MAX: variants seen among roughly 807,000 people sequenced by gnomAD.
The protein encoded by MAX is protein max.
A neutral mutation model predicts 22.3 loss-of-function variants in MAX; 3 were observed. The observed-to-expected ratio is 0.13, with a 90% CI of 0.06 to 0.35. The LOEUF (loss-of-function observed/expected upper bound fraction) is 0.35, where lower values mean the gene tolerates loss of function less well. Ranked by LOEUF, MAX falls within the 10% of genes least tolerant of loss-of-function variation. MAX has a pLI of 1.00. For missense variants in MAX, 119 were observed against 209.4 expected, an observed-to-expected ratio of 0.57 and a Z score of 2.66; for synonymous variants, 72 against 77.7, an observed-to-expected ratio of 0.93 and a Z score of 0.39.
chr14:65,076,435 T>G lies in MAX; in HGVS notation c.*41A>C, dbSNP rs752990188. ...ACGAACTGAAAGGAGGATGAGACGA[T>G]GGAGACAGACAGTTTTTATTGCTGG... On this transcript the variant is annotated 3_prime_UTR_variant, in exon 5 of 5. Coordinates refer to ENST00000358664, the MANE Select transcript of MAX (RefSeq NM_002382.5). This position sits in a 1 kb window ranked among gnomAD's most constrained non-coding sequence, Gnocchi z 6.6. The G allele has an allele frequency of 6.2e-7, 1 of 1,612,146 alleles. No homozygotes were observed. The highest frequency in any genetic ancestry group is 1.1e-5 in the South Asian group (1 of 90,828).
Position 65,032,827 on chromosome 14 carries a change from C to CT in MAX, c.172-26544dup. On this transcript the variant is annotated intron_variant, in intron 3 of 3. Transcript: ENST00000341653. The surrounding 1 kb of genome is among the most constrained non-coding windows in gnomAD (Gnocchi z 5.0). ...ATCACAGGAGATCCATTAGGGTTAT[C>CT]TAATGATTTTTTTAAATACTTAAAA... 1 of 735,832 alleles carries CT rather than the reference C, an allele frequency of 1.4e-6. No homozygotes were observed. Among genetic ancestry groups the CT allele is most frequent in the Admixed American group, 3.9e-5 (1 of 25,486 alleles). 45.6% of individuals were successfully genotyped at this position (735,832 alleles called of 1,614,324 possible). A position where few individuals can be genotyped will look rare whatever the true frequency, so the allele number is the denominator to read the frequency against.
At chr14:65,067,012 C>T (rs1303151214) in intron 3 of MAX, among the ~76,000 whole-genome samples, 1 of 130,244 alleles carries the variant, frequency 7.7e-6, no homozygotes, top group Non-Finnish European at 1.6e-5. Context: ...TCTGTCTCTA[C>T]AAAAATTAAA....
In MAX at chr14:65,023,225, A is replaced by T. The variant is rs1444133031; in HGVS notation, c.172-16941T>A. ...AGGTGGGTGCCAACGTGCCTGGTTA[A>T]TTTTTATAATTCTTGTAGAGATGGG... On this transcript the variant is annotated intron_variant, in intron 3 of 3. Coordinates refer to the MAX transcript ENST00000341653. This position sits in a 1 kb window ranked among gnomAD's most constrained non-coding sequence, Gnocchi z 4.1. 6.6e-6 allele frequency among the ~76,000 whole-genome samples: 1 copy of T among 152,032 alleles called. No individual in the cohort carries two copies. Among genetic ancestry groups the T allele is most frequent in the Non-Finnish European group, 1.5e-5 (1 of 68,014 alleles).
At position 65,076,678 on chromosome 14, in the gene MAX, A is replaced by AG; in HGVS notation, c.296-16dup. On this transcript the variant is annotated splice_polypyrimidine_tract_variant and intron_variant, in intron 4 of 4. Coordinates refer to ENST00000358664, the MANE Select transcript of MAX (RefSeq NM_002382.5). This position sits in a 1 kb window ranked among gnomAD's most constrained non-coding sequence, Gnocchi z 6.6. ...CAGTGCACGGACTAAAAGGCAACCA[A>AG]GGGAGTGTGTTACTGCCTTCTGGAG... 1 of 1,614,192 alleles carries AG rather than the reference A, an allele frequency of 6.2e-7. No homozygotes were observed. The highest frequency in any genetic ancestry group is 8.5e-7 in the Non-Finnish European group (1 of 1,180,024).
At chr14:65,018,183 A>G (rs940407656) in intron 3 of MAX, among the ~76,000 whole-genome samples, 1 of 151,736 alleles carries the variant, frequency 6.6e-6, no homozygotes, top group Non-Finnish European at 1.5e-5. Flanking sequence ...TTCAAAAATA[A>G]AAATAAAAAT....
In MAX at chr14:65,014,257, G is replaced by A. The variant is rs140185232; in HGVS notation, c.172-7973C>T. Reference sequence around the variant, plus strand: ...ACTCCTACCTACCCTGCCTAGCCTTGAATGCTCAATAATCATTTATGGTTT... The same window carrying A: ...ACTCCTACCTACCCTGCCTAGCCTTAAATGCTCAATAATCATTTATGGTTT... On this transcript the variant is annotated intron_variant, in intron 3 of 3. Transcript: ENST00000341653. This position sits in a 1 kb window ranked among gnomAD's most constrained non-coding sequence, Gnocchi z 5.1. Among the ~76,000 whole-genome samples the A allele has an allele frequency of 3.9e-5, 6 of 152,294 alleles. No individual in the cohort carries two copies. The East Asian group carries it at 1.2e-3, about 29-fold the overall frequency.
intron 3 of MAX, among the ~76,000 whole-genome samples, chr14:65,086,458 A>G (rs1293506583): frequency 2.6e-5 from 4 of 152,220 alleles, no homozygotes; most frequent in African/African-American, 9.7e-5. Context: ...TATGGACAAT[A>G]AAGTCCAGGC....
chr14:65,016,594 C>T (rs950573706), intron 3 of MAX: 2 of 152,264 alleles, frequency 1.3e-5, no homozygotes, highest in Non-Finnish European at 2.9e-5. Flanking sequence ...CGGGGCCCCT[C>T]TCTGGTCACA....
At chr14:65,040,809 G>A in intron 3 of MAX, 1 of 1,613,356 alleles carries the variant, frequency 6.2e-7, no homozygotes, top group Non-Finnish European at 8.5e-7. Flanking sequence ...CTGGGAAGGT[G>A]GCATTGGCGG....
At chr14:65,060,827 C>A (rs1319033678) in intron 3 of MAX, among the ~76,000 whole-genome samples, 1 of 134,184 alleles carries the variant, frequency 7.5e-6, no homozygotes, top group Non-Finnish European at 1.5e-5. Flanking sequence ...GAGCTAAGAT[C>A]GTGTCAATGC....
In MAX at chr14:65,069,371, A is replaced by G. The variant is rs2062963730; in HGVS notation, c.171+24337T>C. Among the ~76,000 whole-genome samples, 2 of 152,106 alleles carry G rather than the reference A, an allele frequency of 1.3e-5. No homozygotes were observed. Among genetic ancestry groups the G allele is most frequent in the South Asian group, 4.1e-4 (2 of 4,828 alleles). On this transcript the variant is annotated intron_variant, in intron 3 of 3. Transcript: ENST00000341653. This position sits in a 1 kb window ranked among gnomAD's most constrained non-coding sequence, Gnocchi z 4.6. ...ATGACCTGGTGGCCCTGCCCCTCCC[A>G]TAGTGCCAAACCGCTCTCACTGAGG...
In MAX at chr14:65,043,882, T is replaced by C. The variant is rs924802643; in HGVS notation, c.172-37598A>G. ...AAAAGAAATGTAGTACCAAATTCCA[T>C]TTATCTGCTTTTAATAAACTCCCCG... On this transcript the variant is annotated intron_variant, in intron 3 of 3. Transcript: ENST00000341653. Among the ~76,000 whole-genome samples, 5 of 145,732 alleles carry C rather than the reference T, an allele frequency of 3.4e-5. No individual in the cohort carries two copies. In the East Asian group the frequency reaches 8.0e-4, roughly 23 times the overall value.
Position 65,011,159 on chromosome 14 carries a change from T to C in MAX, c.172-4875A>G, listed in dbSNP as rs904496270. Among the ~76,000 whole-genome samples the C allele has an allele frequency of 6.6e-6, 1 of 152,218 alleles. No individual in the cohort carries two copies. The highest frequency in any genetic ancestry group is 2.4e-5 in the African/African-American group (1 of 41,450). On this transcript the variant is annotated intron_variant, in intron 3 of 3. Coordinates refer to the MAX transcript ENST00000341653. The surrounding 1 kb of genome is among the most constrained non-coding windows in gnomAD (Gnocchi z 4.0). ...AGACTACATGAAGGGCTGGGTGCGG[T>C]GGCTCACGCCTGTAATCCCAGCATT...
At position 65,062,133 on chromosome 14, in the gene MAX, C is replaced by T. The variant is rs2062876209; in HGVS notation, c.171+31575G>A. 1 of 152,392 alleles carries T rather than the reference C, an allele frequency of 6.6e-6. No homozygotes were observed. The highest frequency in any genetic ancestry group is 2.1e-4 in the South Asian group (1 of 4,836). The allele number at this position is 152,392 out of a possible 1,614,324, so 9.4% of individuals were successfully genotyped here. On this transcript the variant is annotated intron_variant, in intron 3 of 3. Coordinates refer to the MAX transcript ENST00000341653. This position sits in a 1 kb window ranked among gnomAD's most constrained non-coding sequence, Gnocchi z 4.3. ...AAAACCCCCTCTGATGGCCTCAAGG[C>T]AGTGCCTGCAGGCCGAGGCCCTTCT...
At chr14:65,087,251 A>G (rs1442182361) in intron 3 of MAX, among the ~76,000 whole-genome samples, 1 of 152,174 alleles carries the variant, frequency 6.6e-6, no homozygotes, top group Non-Finnish European at 1.5e-5. Flanking sequence ...GTGGGGTCAG[A>G]GCCCCCACAC....
At position 65,029,139 on chromosome 14, in the gene MAX, G is replaced by T. The variant is rs2062035481; in HGVS notation, c.172-22855C>A. On this transcript the variant is annotated intron_variant, in intron 3 of 3. Transcript: ENST00000341653. This position sits in a 1 kb window ranked among gnomAD's most constrained non-coding sequence, Gnocchi z 4.7. Reference sequence around the variant, plus strand: ...TTCTTCCCTGACCTTTGCTCTTTGGGTGATGCTCTGCCATTCGTGCCCGTG... The same window carrying T: ...TTCTTCCCTGACCTTTGCTCTTTGGTTGATGCTCTGCCATTCGTGCCCGTG... Among the ~76,000 whole-genome samples the T allele has an allele frequency of 6.6e-6, 1 of 152,090 alleles. No homozygotes were observed. The highest frequency in any genetic ancestry group is 6.5e-5 in the Admixed American group (1 of 15,270).
intron 3 of MAX, among the ~76,000 whole-genome samples, chr14:65,040,033 A>C (rs985132027): frequency 3.9e-5 from 6 of 152,134 alleles, no homozygotes; most frequent in African/African-American, 1.4e-4. Flanking sequence ...TACAAAAAAT[A>C]CAAAAAATGG....
intron 3 of MAX, among the ~76,000 whole-genome samples, chr14:65,016,761 AC>A (rs1430608451): frequency 6.6e-6 from 1 of 152,046 alleles, no homozygotes; most frequent in East Asian, 1.9e-4. Flanking sequence ...TAGGCCATTA[AC>A]CCTTGTGGTA....
chr14:65,078,886 A>AT lies in MAX; in HGVS notation c.172-851dup, dbSNP rs1238599628. Among the ~76,000 whole-genome samples, 1 of 152,176 alleles carries AT rather than the reference A, an allele frequency of 6.6e-6. No individual in the cohort carries two copies. The highest frequency in any genetic ancestry group is 1.5e-5 in the Non-Finnish European group (1 of 68,034). On this transcript the variant is annotated intron_variant, in intron 3 of 4. Coordinates refer to ENST00000358664, the MANE Select transcript of MAX (RefSeq NM_002382.5). The surrounding 1 kb of genome is among the most constrained non-coding windows in gnomAD (Gnocchi z 6.4). ...TGCTTTACAGAGCTTAACTCACAAG[A>AT]TTAGTCTCAGAGGTAGCTCTACTAA...
Sources: gnomAD v4.1 joint callset for allele counts (sites outside exome capture counted in the v4.1 genomes callset) on GRCh38, gnomAD v4.1.1 for gene constraint, Gnocchi (gnomAD v3.1) non-coding constraint, MANE v1.5 for transcripts, NCBI Gene and HGNC (gene_info 2026-07-23, HGNC 2026-07-21) for gene names.